Variants in TENT5C observed in about 807,000 individuals in gnomAD.
The protein encoded by TENT5C is family with sequence similarity 46 member C.
Under a neutral mutation model 22.2 loss-of-function variants are expected in TENT5C, and 5 were observed. That is an observed-to-expected ratio of 0.22 (90% confidence interval 0.12 to 0.47). The LOEUF is 0.47. Ranked by LOEUF, TENT5C falls within the 20% of genes least tolerant of loss-of-function variation. The probability of loss-of-function intolerance (pLI) is 0.99; values close to 1 mark genes in which losing one functional copy is unlikely to be tolerated. For synonymous variants in TENT5C, 199 were observed against 195.4 expected (o/e 1.02, Z -0.15); for missense variants, 364 against 500.9 (o/e 0.73, Z 2.61).
rs896087501 is a variant in TENT5C at position 117,626,018 on chromosome 1, G to T, written c.*1974G>T. The T allele has an allele frequency of 1.6e-5, 4 of 247,924 alleles. No homozygotes were observed. The highest frequency in any genetic ancestry group is 3.4e-5 in the Non-Finnish European group (4 of 118,048). The allele number at this position is 247,924 out of a possible 1,614,324, so 15.4% of individuals were successfully genotyped here. On this transcript the variant is annotated 3_prime_UTR_variant, in exon 2 of 2. Coordinates refer to ENST00000369448, the MANE Select transcript of TENT5C (RefSeq NM_017709.4). ...TGAAGAGTGAACCCCAATGAAGAGT[G>T]ATCCCAACTTTGGAAACTATCTGGT...
chr1:117,608,763 C>CTTT (rs5777320), intron 1 of TENT5C, among the ~76,000 whole-genome samples: 5 of 138,798 alleles, frequency 3.6e-5, no homozygotes, highest in South Asian at 2.3e-4. Context: ...TGAGTTGAAC[C>CTTT]TTTTTTTTTT....
intron 1 of TENT5C, among the ~76,000 whole-genome samples, chr1:117,614,432 G>A (rs1451300468): frequency 6.6e-6 from 1 of 152,198 alleles, no homozygotes; most frequent in Non-Finnish European, 1.5e-5. Flanking sequence ...TGCAGGTGGG[G>A]GAAGTGACGG....
Position 117,623,481 on chromosome 1 carries a change from C to G in TENT5C, c.613C>G (p.His205Asp). The G allele has an allele frequency of 6.2e-7, 1 of 1,614,070 alleles. No individual in the cohort carries two copies. Among genetic ancestry groups the G allele is most frequent in the Non-Finnish European group, 8.5e-7 (1 of 1,180,020 alleles). The change falls in exon 2 of 2, where the codon CAC (histidine) becomes GAC (aspartate). Residue 205 changes from histidine (H) to aspartate (D), a missense_variant. Coordinates refer to ENST00000369448, the MANE Select transcript of TENT5C (RefSeq NM_017709.4). The stretch of plus-strand genomic sequence containing the variant: ...CTGTTCCAATAATCCCATCTCTGAG[C>G]ACTTCCACCCCACCGTGATTGGGGA... ...YDCSNNPISEHFHPTVIGESM... is the reference protein window; with the variant it reads ...YDCSNNPISEDFHPTVIGESM...
chr1:117,610,302 G>A (rs554607013), intron 1 of TENT5C, among the ~76,000 whole-genome samples: 2 of 152,090 alleles, frequency 1.3e-5, no homozygotes, highest in South Asian at 2.1e-4. Flanking sequence ...CTTCAAGACC[G>A]TGCCTTTCTG....
chr1:117,626,132 G>T lies in TENT5C; in HGVS notation c.*2088G>T. The T allele has an allele frequency of 4.0e-6, 1 of 247,974 alleles. No individual in the cohort carries two copies. Among genetic ancestry groups the T allele is most frequent in the Non-Finnish European group, 8.5e-6 (1 of 118,004 alleles). 15.4% of individuals were successfully genotyped at this position (247,974 alleles called of 1,614,324 possible). On this transcript the variant is annotated 3_prime_UTR_variant, in exon 2 of 2. Transcript: ENST00000369448. Reference sequence around the variant, plus strand: ...ATGTGTTTAACCAAAGCTTTGAAATGTGATGAAGCCACCAACATAAGCACT... The same window carrying T: ...ATGTGTTTAACCAAAGCTTTGAAATTTGATGAAGCCACCAACATAAGCACT...
Position 117,623,561 on chromosome 1 carries a change from C to A in TENT5C, c.693C>A (p.Ile231=), listed in dbSNP as rs765301985. The change falls in exon 2 of 2, where the codon ATC becomes ATA. Residue 231 remains isoleucine (I), a synonymous_variant. Coordinates refer to ENST00000369448, the MANE Select transcript of TENT5C (RefSeq NM_017709.4). ...EAFDHLQNRL[I]ATKNPEEIRG... Reference sequence around the variant, plus strand: ...TTGACCATCTGCAGAACAGACTGATCGCCACCAAGAACCCAGAAGAAATCA... The same window carrying A: ...TTGACCATCTGCAGAACAGACTGATAGCCACCAAGAACCCAGAAGAAATCA... 1.2e-6 allele frequency: 2 copies of A among 1,613,906 alleles called. No individual in the cohort carries two copies. The highest frequency in any genetic ancestry group is 1.1e-5 in the South Asian group (1 of 91,036).
intron 1 of TENT5C, among the ~76,000 whole-genome samples, chr1:117,618,472 GTC>G (rs71584509): frequency 0.14 from 21,237 of 151,924 alleles, 1,803 homozygotes; most frequent in Admixed American, 0.24. Flanking sequence ...AAGGAAAAGA[GTC>G]TCTCTTCCTC....
chr1:117,626,394 T>G lies in TENT5C; in HGVS notation c.*2350T>G, dbSNP rs1654014457. The G allele has an allele frequency of 4.0e-6, 1 of 247,930 alleles. No homozygotes were observed. Among genetic ancestry groups the G allele is most frequent in the African/African-American group, 2.2e-5 (1 of 45,334 alleles). The allele number at this position is 247,930 out of a possible 1,614,324, so 15.4% of individuals were successfully genotyped here. Reference sequence around the variant, plus strand: ...GTCTTTGCCACCATTGCACCATGGTTGTCTCGGAGTCCCTTCACCTGACCT... The same window carrying G: ...GTCTTTGCCACCATTGCACCATGGTGGTCTCGGAGTCCCTTCACCTGACCT... On this transcript the variant is annotated 3_prime_UTR_variant, in exon 2 of 2. Coordinates refer to ENST00000369448, the MANE Select transcript of TENT5C (RefSeq NM_017709.4).
intron 1 of TENT5C, among the ~76,000 whole-genome samples, chr1:117,617,819 A>G (rs1473657326): frequency 6.6e-6 from 1 of 152,230 alleles, no homozygotes; most frequent in East Asian, 1.9e-4. Flanking sequence ...TTACCTAAAC[A>G]CTGAGGGCCT....
chr1:117,608,527 T>G (rs1209899871), intron 1 of TENT5C, among the ~76,000 whole-genome samples: 1 of 152,214 alleles, frequency 6.6e-6, no homozygotes, highest in African/African-American at 2.4e-5. Context: ...CAAGGAACAG[T>G]GCAGCAGTAA....
rs1653946964 is a variant in TENT5C at position 117,623,650 on chromosome 1, A to G, written c.782A>G (p.Glu261Gly). 5 of 1,613,894 alleles carry G rather than the reference A, an allele frequency of 3.1e-6. No homozygotes were observed. Among genetic ancestry groups the G allele is most frequent in the Non-Finnish European group, 2.5e-6 (3 of 1,180,020 alleles). ...LVRDFRPTDQ[E>G]EIKTLERYMC... Reference sequence around the variant, plus strand: ...CGGGACTTCAGGCCCACAGACCAGGAAGAAATCAAAACTCTAGAGCGCTAC... The same window carrying G: ...CGGGACTTCAGGCCCACAGACCAGGGAGAAATCAAAACTCTAGAGCGCTAC... The change falls in exon 2 of 2, where the codon GAA becomes GGA. Residue 261 changes from glutamate to glycine, a missense_variant. By Grantham distance (98) the Glu-to-Gly change is moderately conservative. This residue lies in a region of TENT5C where 303 missense variants were observed against 394.5 expected (regional missense o/e 0.77). Transcript: ENST00000369448.
chr1:117,606,474 G>C (rs2101070307), intron 1 of TENT5C, among the ~76,000 whole-genome samples: 1 of 152,332 alleles, frequency 6.6e-6, no homozygotes, highest in East Asian at 1.9e-4. Flanking sequence ...CGCGCGTCCT[G>C]CAGGCTGCGC....
At position 117,623,181 on chromosome 1, in the gene TENT5C, T is replaced by C. The variant is rs893973707; in HGVS notation, c.313T>C (p.Phe105Leu). Residue 105 changes from phenylalanine (F) to leucine (L), a missense_variant, in exon 2 of 2, where the codon TTT (phenylalanine) becomes CTT (leucine). Around this residue, in one of 3 missense-constraint regions of TENT5C, gnomAD observed 303 missense variants for 394.5 expected, o/e 0.77. Transcript: ENST00000369448. ...TGTGGCTCTTCCAACAGAGGCAGAA[T>C]TTCAGCTGGTTAGAGATGTGGTTCT... Reference protein sequence around the residue: ...FHVALPTEAEFQLVRDVVLCS... With the variant: ...FHVALPTEAELQLVRDVVLCS... The C allele has an allele frequency of 6.2e-7, 1 of 1,614,198 alleles. No individual in the cohort carries two copies. The highest frequency in any genetic ancestry group is 1.7e-5 in the Admixed American group (1 of 60,024).
intron 1 of TENT5C, among the ~76,000 whole-genome samples, chr1:117,613,887 A>G (rs540873388): frequency 6.6e-6 from 1 of 152,256 alleles, no homozygotes; most frequent in Non-Finnish European, 1.5e-5. Flanking sequence ...ACTTCTTTGA[A>G]CTCAGGTAGA....
rs1241158296 is a variant in TENT5C, at chr1:117,625,394, CT to C, written c.*1353del. ...GATTTGACTTGTTTATAATTCTGCA[CT>C]TTAGAAGAAAAACAGTGTTAATCTG... On this transcript the variant is annotated 3_prime_UTR_variant, in exon 2 of 2. Transcript: ENST00000369448. 6.0e-5 allele frequency: 15 copies of C among 248,014 alleles called. No homozygotes were observed. The highest frequency in any genetic ancestry group is 1.0e-4 in the Non-Finnish European group (12 of 118,128). The allele number at this position is 248,014 out of a possible 1,614,324, so 15.4% of individuals were successfully genotyped here. A position where few individuals can be genotyped will look rare whatever the true frequency, so the allele number is the denominator to read the frequency against.
chr1:117,614,874 C>T (rs528375593), intron 1 of TENT5C, among the ~76,000 whole-genome samples: 1 of 152,330 alleles, frequency 6.6e-6, no homozygotes, highest in African/African-American at 2.4e-5. Context: ...TCTCTCTCTT[C>T]TGGACTTGGT....
Position 117,624,164 on chromosome 1 carries a change from C to CCT in TENT5C, c.*120_*121insCT, listed in dbSNP as rs528932312. 3.0e-5 allele frequency: 19 copies of CCT among 629,234 alleles called. No homozygotes were observed. The East Asian group carries it at 5.2e-4, about 17-fold the overall frequency. 39.0% of individuals were successfully genotyped at this position (629,234 alleles called of 1,614,324 possible). On this transcript the variant is annotated 3_prime_UTR_variant, in exon 2 of 2. Coordinates refer to ENST00000369448, the MANE Select transcript of TENT5C (RefSeq NM_017709.4). ...AAAGGGGAACTCAGCTCTGATTCTGCTTTTTTTTTTTTTTTTCCTTTGTGT... is the reference window on the plus strand; with the variant it reads ...AAAGGGGAACTCAGCTCTGATTCTGCCTTTTTTTTTTTTTTTTTCCTTTGTGT...
At position 117,625,621 on chromosome 1, in the gene TENT5C, C is replaced by T. The variant is rs1653991832; in HGVS notation, c.*1577C>T. ...AATTCATGCTCCTGATCTTTTTTTT[C>T]CCCCTTCCTTTGGCTATGAAAACCC... On this transcript the variant is annotated 3_prime_UTR_variant, in exon 2 of 2. Coordinates refer to ENST00000369448, the MANE Select transcript of TENT5C (RefSeq NM_017709.4). The T allele has an allele frequency of 8.1e-6, 2 of 247,526 alleles. No homozygotes were observed. The highest frequency in any genetic ancestry group is 5.6e-5 in the Admixed American group (1 of 17,788). The allele number at this position is 247,526 out of a possible 1,614,324, so 15.3% of individuals were successfully genotyped here.
intron 1 of TENT5C, among the ~76,000 whole-genome samples, chr1:117,616,881 C>T (rs1267360931): frequency 6.6e-6 from 1 of 152,170 alleles, no homozygotes; most frequent in African/African-American, 2.4e-5. Flanking sequence ...ACAATCACTT[C>T]CATAGCTTTC....
Sources: gnomAD v4.1 joint callset for allele counts (sites outside exome capture counted in the v4.1 genomes callset) on GRCh38, gnomAD v4.1.1 for gene constraint, gnomAD v4.1.1 regional missense constraint, MANE v1.5 for transcripts, NCBI Gene and HGNC (gene_info 2026-07-23, HGNC 2026-07-21) for gene names.